IGF1R: variants seen among roughly 807,000 people sequenced by gnomAD.
The protein encoded by IGF1R is insulin-like growth factor 1 receptor.
A neutral mutation model predicts 144.6 loss-of-function variants in IGF1R; 44 were observed. The observed-to-expected ratio is 0.30, with a 90% CI of 0.24 to 0.39. IGF1R has a LOEUF of 0.39. Among genes scored for constraint, IGF1R ranks in the 10% least tolerant of loss-of-function variants. IGF1R has a pLI of 1.00. For missense variants in IGF1R, 1,355 were observed against 1,833.7 expected, an observed-to-expected ratio of 0.74 and a Z score of 4.77; for synonymous variants, 795 against 722.8, an observed-to-expected ratio of 1.10 and a Z score of -1.60.
intron 13 of IGF1R, among the ~76,000 whole-genome samples, chr15:98,925,105 T>A (rs1329341219): frequency 6.6e-6 from 1 of 152,122 alleles, no homozygotes; most frequent in Non-Finnish European, 1.5e-5. Context: ...CTTGAAATCC[T>A]AAGGGGTGTA....
chr15:98,910,501 A>C (rs2014961668), intron 6 of IGF1R, among the ~76,000 whole-genome samples: 1 of 152,184 alleles, frequency 6.6e-6, no homozygotes, highest in Non-Finnish European at 1.5e-5. Context: ...TTGAGTGTGT[A>C]GTGGGATTCA....
At chr15:98,955,125 A>G (rs2016927951) in intron 20 of IGF1R, among the ~76,000 whole-genome samples, 1 of 152,162 alleles carries the variant, frequency 6.6e-6, no homozygotes. Context: ...GGTATATTAT[A>G]GTCAGTAGCA....
chr15:98,772,846 A>G (rs1031395585), intron 2 of IGF1R, among the ~76,000 whole-genome samples: 1 of 152,018 alleles, frequency 6.6e-6, no homozygotes, highest in Non-Finnish European at 1.5e-5. Context: ...GATGTTTGTT[A>G]TCACAGAATA....
intron 2 of IGF1R, among the ~76,000 whole-genome samples, chr15:98,880,421 T>C (rs2013312584): frequency 6.6e-6 from 1 of 152,248 alleles, no homozygotes; most frequent in Non-Finnish European, 1.5e-5. Context: ...CGTTGCGTGT[T>C]GGTTCCGGAG....
At chr15:98,924,992 A>G (rs969239258) in intron 13 of IGF1R, among the ~76,000 whole-genome samples, 1 of 118,028 alleles carries the variant, frequency 8.5e-6, no homozygotes, top group African/African-American at 3.5e-5. Flanking sequence ...TTACATTCAA[A>G]GACTTTTTTT....
chr15:98,872,767 C>G (rs770947954), intron 2 of IGF1R, among the ~76,000 whole-genome samples: 1 of 152,090 alleles, frequency 6.6e-6, no homozygotes, highest in Non-Finnish European at 1.5e-5. Flanking sequence ...CCTGCCATCC[C>G]CATGCTCTGC....
At chr15:98,680,320 G>GC (rs1215126763) in intron 1 of IGF1R, among the ~76,000 whole-genome samples, 1 of 151,666 alleles carries the variant, frequency 6.6e-6, no homozygotes, top group Non-Finnish European at 1.5e-5. Context: ...AGGCTGGAGT[G>GC]CAGTGGTGCA....
intron 20 of IGF1R, among the ~76,000 whole-genome samples, chr15:98,956,585 G>A (rs947681656): frequency 2.6e-5 from 4 of 152,200 alleles, no homozygotes; most frequent in African/African-American, 9.7e-5. Context: ...GCACAGGTGG[G>A]AACCGGAGAG....
At chr15:98,943,854 G>T (rs2016454330) in intron 19 of IGF1R, among the ~76,000 whole-genome samples, 1 of 152,220 alleles carries the variant, frequency 6.6e-6, no homozygotes. Flanking sequence ...ACCGCATAGA[G>T]GAACTATTTC....
Position 98,913,029 on chromosome 15 carries a change from T to C in IGF1R, c.1590-15T>C, listed in dbSNP as rs2015090947. ...TCAGAGCCCCGAACTTTCTCTGAAC[T>C]TAATTGTCTTTCAGACCCTTTAAGA... On this transcript the variant is annotated splice_polypyrimidine_tract_variant and intron_variant, in intron 7 of 20. Transcript: ENST00000650285. 6.3e-7 allele frequency: 1 copy of C among 1,598,416 alleles called. No homozygotes were observed. Among genetic ancestry groups the C allele is most frequent in the Non-Finnish European group, 8.6e-7 (1 of 1,165,674 alleles).
At chr15:98,920,139 A>G (rs552067220) in intron 10 of IGF1R, among the ~76,000 whole-genome samples, 5 of 152,320 alleles carry the variant, frequency 3.3e-5, no homozygotes, top group East Asian at 3.9e-4. Context: ...AGGTTTTCCA[A>G]TAGGGCTAGG....
intron 2 of IGF1R, chr15:98,880,962 T>TA (rs1192935128): frequency 6.6e-6 from 1 of 152,226 alleles, no homozygotes; most frequent in Non-Finnish European, 1.5e-5. Flanking sequence ...AAACAAGTCT[T>TA]AGTAATGAGA....
intron 2 of IGF1R, among the ~76,000 whole-genome samples, chr15:98,719,650 G>A (rs1463569100): frequency 1.3e-5 from 2 of 152,206 alleles, no homozygotes; most frequent in Non-Finnish European, 2.9e-5. Flanking sequence ...GCTTCGAGGT[G>A]TACTGGTGGC....
chr15:98,750,597 G>A lies in IGF1R; in HGVS notation c.640+42490G>A, dbSNP rs571082744. Among the ~76,000 whole-genome samples, 5 of 152,306 alleles carry A rather than the reference G, an allele frequency of 3.3e-5. No individual in the cohort carries two copies. In the South Asian group the frequency reaches 1.0e-3, roughly 32 times the overall value. ...CCAGCTCCTCAGGAGGCTGTGGAGG[G>A]TGGATTGCTTGAGGCCAGGAGTTCA... is the stretch of plus-strand genomic sequence containing the variant. On this transcript the variant is annotated intron_variant, in intron 2 of 20. Coordinates refer to ENST00000650285, the MANE Select transcript of IGF1R (RefSeq NM_000875.5).
intron 2 of IGF1R, among the ~76,000 whole-genome samples, chr15:98,842,908 G>C (rs1022301417): frequency 1.3e-5 from 2 of 152,156 alleles, no homozygotes; most frequent in Non-Finnish European, 2.9e-5. Flanking sequence ...AGCGTTTGTA[G>C]AAAATATTTA....
chr15:98,790,003 C>G (rs1383748492), intron 2 of IGF1R, among the ~76,000 whole-genome samples: 1 of 152,166 alleles, frequency 6.6e-6, no homozygotes, highest in South Asian at 2.1e-4. Flanking sequence ...TGTTCAGTTT[C>G]TATGTAGTTT....
At chr15:98,772,215 C>G (rs371928046) in intron 2 of IGF1R, among the ~76,000 whole-genome samples, 14 of 152,180 alleles carry the variant, frequency 9.2e-5, no homozygotes, top group African/African-American at 3.1e-4. Context: ...AAGGAGTTTT[C>G]TGACTTAACA....
At chr15:98,782,687 G>A (rs2055887329) in intron 2 of IGF1R, among the ~76,000 whole-genome samples, 1 of 152,084 alleles carries the variant, frequency 6.6e-6, no homozygotes, top group Admixed American at 6.5e-5. Flanking sequence ...CAGTTTTTTA[G>A]TATTACAAAT....
intron 2 of IGF1R, among the ~76,000 whole-genome samples, chr15:98,890,137 G>T (rs1238686966): frequency 1.3e-5 from 2 of 152,188 alleles, no homozygotes; most frequent in Non-Finnish European, 2.9e-5. Context: ...GGTTCTGTGG[G>T]CTCGGAGATG....
Sources: allele counts gnomAD v4.1 joint callset (sites outside exome capture counted in the v4.1 genomes callset), GRCh38; gene constraint gnomAD v4.1.1; transcripts MANE v1.5; gene names NCBI Gene and HGNC (gene_info 2026-07-23, HGNC 2026-07-21).